Variants in NELL1 observed in about 807,000 individuals in gnomAD.
The protein encoded by NELL1 is protein kinase C-binding protein NELL1.
Under a neutral mutation model 107.4 loss-of-function variants are expected in NELL1, and 76 were observed. That is an observed-to-expected ratio of 0.71 (90% CI 0.59 to 0.86). The LOEUF is 0.86. NELL1 is among the 40% of genes least tolerant of loss of function. The pLI, the probability that NELL1 is intolerant of heterozygous loss-of-function variation, is 0.00. For synonymous variants in NELL1, 353 were observed against 341.2 expected, an observed-to-expected ratio of 1.03 and a Z score of -0.38; for missense variants, 1,024 against 1,005.5, an observed-to-expected ratio of 1.02 and a Z score of -0.25.
At chr11:20,795,130 G>A (rs111910620) in intron 3 of NELL1, among the ~76,000 whole-genome samples, 2,133 of 152,274 alleles carry the variant, frequency 0.014, 63 homozygotes, top group African/African-American at 0.048. Flanking sequence ...CTCACCTGGT[G>A]GGAACCCAGT....
chr11:21,340,204 G>A lies in NELL1; in HGVS notation c.1550-30649G>A, dbSNP rs563309514. ...GTCTCACTCTGTCGCCCAGGCTGGAGTGCAATGGCGCGATCTTGGCTCACT... is the reference window on the plus strand; with the variant it reads ...GTCTCACTCTGTCGCCCAGGCTGGAATGCAATGGCGCGATCTTGGCTCACT... On this transcript the variant is annotated intron_variant, in intron 14 of 19. Coordinates refer to ENST00000357134, the MANE Select transcript of NELL1 (RefSeq NM_006157.5). Among the ~76,000 whole-genome samples, 32 of 152,258 alleles carry A rather than the reference G, an allele frequency of 2.1e-4. 1 individual carries two copies. In the South Asian group the frequency reaches 4.6e-3, roughly 22 times the overall value.
intron 15 of NELL1, among the ~76,000 whole-genome samples, chr11:21,416,825 A>G (rs552225614): frequency 1.3e-5 from 2 of 152,226 alleles, no homozygotes; most frequent in East Asian, 3.9e-4. Context: ...GAAAAATTCT[A>G]GGTCCTTTGT....
intron 12 of NELL1, among the ~76,000 whole-genome samples, chr11:21,061,173 A>C (rs1853732858): frequency 6.6e-6 from 1 of 152,240 alleles, no homozygotes; most frequent in Admixed American, 6.5e-5. Context: ...AACAGTAAAC[A>C]AGACAGATAA....
chr11:21,266,155 T>C lies in NELL1; in HGVS notation c.1549+36701T>C, dbSNP rs1350826917. 2.6e-5 allele frequency among the ~76,000 whole-genome samples: 4 copies of C among 151,854 alleles called. No individual in the cohort carries two copies. The South Asian group carries it at 6.2e-4, about 24-fold the overall frequency. On this transcript the variant is annotated intron_variant, in intron 14 of 19. Transcript: ENST00000357134. The stretch of plus-strand genomic sequence containing the variant: ...ACCCAGTGAGGTCACTCTGGAACCA[T>C]TTAGCATGAACTGGCAGTTCGCATT...
chr11:21,390,510 A>AACACACACACACACACACACAC (rs60248049), intron 15 of NELL1, among the ~76,000 whole-genome samples: 1 of 142,774 alleles, frequency 7.0e-6, no homozygotes, highest in African/African-American at 2.5e-5. Flanking sequence ...TGTGTGGATG[A>AACACACACACACACACACACAC]ACACACACAC....
chr11:20,946,304 C>T (rs1850961195), intron 10 of NELL1, among the ~76,000 whole-genome samples: 1 of 152,106 alleles, frequency 6.6e-6, no homozygotes. Context: ...GAGCTTGCTT[C>T]CTGGTTGACT....
intron 15 of NELL1, among the ~76,000 whole-genome samples, chr11:21,387,429 T>C (rs1370258741): frequency 6.6e-6 from 1 of 151,876 alleles, no homozygotes; most frequent in Non-Finnish European, 1.5e-5. Context: ...GCCCAGCTCT[T>C]GGAACAGTCC....
chr11:20,817,708 A>C (rs542543911), intron 3 of NELL1, among the ~76,000 whole-genome samples: 1 of 150,570 alleles, frequency 6.6e-6, no homozygotes, highest in South Asian at 2.1e-4. Flanking sequence ...TCGCTTTTCT[A>C]TTCCTCTAGC....
intron 12 of NELL1, among the ~76,000 whole-genome samples, chr11:21,028,927 G>A (rs1852886260): frequency 1.3e-5 from 2 of 151,986 alleles, no homozygotes; most frequent in Non-Finnish European, 2.9e-5. Flanking sequence ...CTTTCCCTCT[G>A]GTGGTTTCTG....
chr11:21,132,247 A>G (rs1191321255), intron 13 of NELL1, among the ~76,000 whole-genome samples: 2 of 152,078 alleles, frequency 1.3e-5, no homozygotes, highest in African/African-American at 4.8e-5. Flanking sequence ...GTGCACACAC[A>G]CAGGGCAATG....
chr11:20,802,459 T>G (rs1231115830), intron 3 of NELL1, among the ~76,000 whole-genome samples: 3 of 152,032 alleles, frequency 2.0e-5, no homozygotes, highest in Admixed American at 2.0e-4. Context: ...TCAGTTCTAA[T>G]CTTTTTGTGG....
intron 17 of NELL1, among the ~76,000 whole-genome samples, chr11:21,569,640 T>C (rs968204146): frequency 1.3e-5 from 2 of 151,862 alleles, no homozygotes; most frequent in Non-Finnish European, 2.9e-5. Context: ...AACTGAAGAA[T>C]TGAAACATGA....
chr11:21,449,376 C>T (rs58932379), intron 15 of NELL1, among the ~76,000 whole-genome samples: 9,285 of 152,062 alleles, frequency 0.061, 607 homozygotes, highest in East Asian at 0.17. Context: ...TTATAAAGTT[C>T]CTTTGCAACT....
intron 15 of NELL1, among the ~76,000 whole-genome samples, chr11:21,470,277 T>G (rs970146568): frequency 1.3e-5 from 2 of 152,052 alleles, no homozygotes; most frequent in African/African-American, 4.8e-5. Flanking sequence ...AAAACATCAA[T>G]GGCTCCCTTT....
chr11:21,354,817 C>CT (rs1238420401), intron 14 of NELL1, among the ~76,000 whole-genome samples: 3 of 152,258 alleles, frequency 2.0e-5, no homozygotes, highest in Middle Eastern at 3.4e-3. Flanking sequence ...TTGCAGAATG[C>CT]TTTTACCTGG....
At chr11:20,947,015 G>GT (rs150814012) in intron 10 of NELL1, among the ~76,000 whole-genome samples, 9,435 of 152,112 alleles carry the variant, frequency 0.062, 413 homozygotes, top group East Asian at 0.22. Flanking sequence ...ATTAGGAAAT[G>GT]TTATAAATTA....
At chr11:20,783,132 T>A (rs184772401) in intron 2 of NELL1, among the ~76,000 whole-genome samples, 3 of 152,198 alleles carry the variant, frequency 2.0e-5, no homozygotes, top group African/African-American at 7.2e-5. Flanking sequence ...CTAGTAAATA[T>A]CTGCTAGGTA....
intron 12 of NELL1, among the ~76,000 whole-genome samples, chr11:21,055,083 T>C (rs1396049764): frequency 2.6e-5 from 4 of 152,058 alleles, no homozygotes; most frequent in Non-Finnish European, 5.9e-5. Flanking sequence ...GTTATTATTT[T>C]TTTCTCAAAT....
At chr11:20,960,343 A>G in intron 11 of NELL1, 89 bp from the exon 12 acceptor site, 3 of 1,296,332 alleles carry the variant, frequency 2.3e-6, no homozygotes, top group East Asian at 2.4e-5. Flanking sequence ...CTGCATAGTG[A>G]CATATAATAA....
Sources: gnomAD v4.1 joint callset for allele counts (sites outside exome capture counted in the v4.1 genomes callset) on GRCh38, gnomAD v4.1.1 for gene constraint, MANE v1.5 for transcripts, NCBI Gene and HGNC (gene_info 2026-07-23, HGNC 2026-07-21) for gene names.